The following PDLIM5 variants were observed in gnomAD, a reference collection of about 807,000 sequenced individuals.
PDLIM5 encodes PDZ and LIM domain protein 5.
In PDLIM5, 34 loss-of-function variants were observed where a neutral mutation model predicts 64.2. The ratio of observed to expected loss-of-function variants is 0.53; its 90% confidence interval spans 0.40 to 0.71. The LOEUF is 0.71. PDLIM5 is among the 30% of genes least tolerant of loss of function. PDLIM5 has a pLI of 0.00. For synonymous variants in PDLIM5, 253 were observed against 269.1 expected, an observed-to-expected ratio of 0.94 and a Z score of 0.59; for missense variants, 683 against 733.6, an observed-to-expected ratio of 0.93 and a Z score of 0.80.
intron 7 of PDLIM5, among the ~76,000 whole-genome samples, chr4:94,599,701 G>A (rs1259559014): frequency 6.6e-6 from 1 of 152,082 alleles, no homozygotes; most frequent in East Asian, 1.9e-4. Context: ...GGAATGGGGT[G>A]AAGAGGAAGG....
intron 3 of PDLIM5, among the ~76,000 whole-genome samples, chr4:94,557,531 T>C (rs1007988983): frequency 1.1e-4 from 17 of 152,184 alleles, no homozygotes; most frequent in Non-Finnish European, 2.1e-4. Context: ...ATTCTTCCTA[T>C]CCATGAGCAT....
intron 8 of PDLIM5, among the ~76,000 whole-genome samples, chr4:94,633,733 C>T (rs571777204): frequency 2.0e-4 from 30 of 152,120 alleles, no homozygotes; most frequent in African/African-American, 5.5e-4. Context: ...TAGGAGAAGA[C>T]AGATAATAAA....
intron 7 of PDLIM5, chr4:94,588,209 A>G (rs956454580): frequency 3.1e-6 from 3 of 959,476 alleles, no homozygotes; most frequent in African/African-American, 3.5e-5. Flanking sequence ...AAAATAAACA[A>G]TTCTCTGACA....
chr4:94,476,198 G>A (rs901340440), intron 2 of PDLIM5, among the ~76,000 whole-genome samples: 5 of 152,046 alleles, frequency 3.3e-5, no homozygotes, highest in Admixed American at 2.6e-4. Context: ...CATTATTTGC[G>A]ATTGTGTATT....
chr4:94,557,253 C>T (rs1456970443), intron 3 of PDLIM5, among the ~76,000 whole-genome samples: 1 of 152,012 alleles, frequency 6.6e-6, no homozygotes, highest in Admixed American at 6.6e-5. Flanking sequence ...CTGTTCTGTT[C>T]CATTGGTCTA....
rs764585395 is a variant in PDLIM5 at position 94,523,831 on chromosome 4, T to A, written c.204T>A (p.Asn68Lys). Residue 68 changes from asparagine to lysine, a missense_variant, in exon 3 of 13, where the codon AAT becomes AAA. Coordinates refer to ENST00000317968, the MANE Select transcript of PDLIM5 (RefSeq NM_006457.5). ...AQGMTHLEAQ[N>K]KIKGCTGSLN... Reference sequence around the variant, plus strand: ...GAATGACTCATCTTGAAGCCCAGAATAAGATTAAGGGTTGTACAGGCTCTT... The same window carrying A: ...GAATGACTCATCTTGAAGCCCAGAAAAAGATTAAGGGTTGTACAGGCTCTT... 6.8e-6 allele frequency: 11 copies of A among 1,613,328 alleles called. No individual in the cohort carries two copies. The South Asian group carries it at 1.2e-4, about 18-fold the overall frequency.
intron 9 of PDLIM5, among the ~76,000 whole-genome samples, chr4:94,640,994 A>G (rs1740961916): frequency 1.3e-5 from 2 of 152,170 alleles, no homozygotes; most frequent in African/African-American, 2.4e-5. Context: ...ATCCCAATCT[A>G]TTTTATTGTC....
At chr4:94,532,240 A>C (rs918703559) in intron 3 of PDLIM5, among the ~76,000 whole-genome samples, 1 of 152,206 alleles carries the variant, frequency 6.6e-6, no homozygotes, top group African/African-American at 2.4e-5. Context: ...TCATTCCAAC[A>C]GTTACTACTG....
At chr4:94,471,334 C>T (rs899944630) in intron 2 of PDLIM5, among the ~76,000 whole-genome samples, 4 of 151,402 alleles carry the variant, frequency 2.6e-5, no homozygotes, top group Admixed American at 1.3e-4. Flanking sequence ...GAGATAGTTT[C>T]GTAAAAGATT....
At chr4:94,458,274 A>G (rs1222385371) in intron 2 of PDLIM5, among the ~76,000 whole-genome samples, 1 of 152,166 alleles carries the variant, frequency 6.6e-6, no homozygotes, top group Non-Finnish European at 1.5e-5. Flanking sequence ...AATAGTATCA[A>G]GAAACAATTA....
chr4:94,629,264 G>A (rs527499741), intron 8 of PDLIM5, among the ~76,000 whole-genome samples: 2 of 152,194 alleles, frequency 1.3e-5, no homozygotes, highest in South Asian at 2.1e-4. Flanking sequence ...CAGGAGGATT[G>A]CTTGAACCTG....
At chr4:94,515,616 A>G (rs1729295180) in intron 2 of PDLIM5, among the ~76,000 whole-genome samples, 1 of 152,166 alleles carries the variant, frequency 6.6e-6, no homozygotes, top group African/African-American at 2.4e-5. Context: ...TTTTTTGGTT[A>G]TAGACGCCTT....
intron 7 of PDLIM5, among the ~76,000 whole-genome samples, chr4:94,596,252 C>T (rs775848112): frequency 3.5e-4 from 53 of 152,074 alleles, no homozygotes; most frequent in African/African-American, 1.1e-3. Flanking sequence ...CCAAATTAAA[C>T]GTGTACTATT....
At chr4:94,582,565 TCTTCA>T (rs1735818843) in intron 5 of PDLIM5, 2 of 559,562 alleles carry the variant, frequency 3.6e-6, no homozygotes, top group Non-Finnish European at 6.4e-6. Flanking sequence ...TTGTGTAACA[TCTTCA>T]CTGAAAATCA....
At chr4:94,535,835 CTTTTTTTTTTTT>C (rs10590994) in intron 3 of PDLIM5, among the ~76,000 whole-genome samples, 1 of 123,052 alleles carries the variant, frequency 8.1e-6, no homozygotes. Context: ...ATAAGGTCCT[CTTTTTTTTTTTT>C]TTTTTTTTTA....
intron 2 of PDLIM5, among the ~76,000 whole-genome samples, chr4:94,476,425 T>G (rs1043088751): frequency 1.3e-5 from 2 of 152,140 alleles, no homozygotes; most frequent in Non-Finnish European, 2.9e-5. Context: ...ATTATAAAAA[T>G]TATACATATA....
chr4:94,634,397 G>A (rs993083778), intron 8 of PDLIM5, among the ~76,000 whole-genome samples: 7 of 152,124 alleles, frequency 4.6e-5, no homozygotes, highest in African/African-American at 1.7e-4. Context: ...TGCTGATTAT[G>A]TTTAGCAATA....
chr4:94,560,827 CGCCATTCTCCT>C (rs1219039905), intron 3 of PDLIM5, among the ~76,000 whole-genome samples: 1 of 152,062 alleles, frequency 6.6e-6, no homozygotes, highest in Non-Finnish European at 1.5e-5. Flanking sequence ...CCCGGGTTCA[CGCCATTCTCCT>C]GCCTCAGCCT....
At chr4:94,642,447 G>A (rs1280042709) in intron 9 of PDLIM5, among the ~76,000 whole-genome samples, 2 of 152,140 alleles carry the variant, frequency 1.3e-5, no homozygotes, top group Non-Finnish European at 2.9e-5. Flanking sequence ...AGGCCAGTAT[G>A]CAATTTTAAT....
Sources: allele counts gnomAD v4.1 joint callset (sites outside exome capture counted in the v4.1 genomes callset), GRCh38; gene constraint gnomAD v4.1.1; transcripts MANE v1.5; gene names NCBI Gene and HGNC (gene_info 2026-07-23, HGNC 2026-07-21).